The following PHKB variants were observed in gnomAD, a reference collection of about 807,000 sequenced individuals.
PHKB encodes the protein phosphorylase kinase regulatory subunit beta, also known as phosphorylase b kinase regulatory subunit beta.
A neutral mutation model predicts 152.1 loss-of-function variants in PHKB; 122 were observed. The observed-to-expected ratio is 0.80, with a 90% confidence interval of 0.69 to 0.93. The LOEUF (loss-of-function observed/expected upper bound fraction) is 0.93, where lower values mean the gene tolerates loss of function less well. Among genes scored for constraint, PHKB ranks in the 40% least tolerant of loss-of-function variants. The probability of loss-of-function intolerance (pLI) is 0.00; values close to 1 mark genes in which losing one functional copy is unlikely to be tolerated. For synonymous variants in PHKB, 436 were observed against 464.9 expected, an observed-to-expected ratio of 0.94 and a Z score of 0.80; for missense variants, 1,304 against 1,328.4, an observed-to-expected ratio of 0.98 and a Z score of 0.29.
chr16:47,587,400 T>C (rs1971952680), intron 8 of PHKB, among the ~76,000 whole-genome samples: 1 of 152,222 alleles, frequency 6.6e-6, no homozygotes, highest in African/African-American at 2.4e-5. Context: ...ATATATTGGC[T>C]ATCTTGTAAT....
At chr16:47,664,649 C>G (rs1480485265) in intron 24 of PHKB, 1 of 531,656 alleles carries the variant, frequency 1.9e-6, no homozygotes, top group African/African-American at 1.9e-5. Flanking sequence ...AGTAAGACAT[C>G]AAGCCAATAA....
Position 47,511,683 on chromosome 16 carries a change from G to T in PHKB, c.424G>T (p.Asp142Tyr). 2 of 1,611,864 alleles carry T rather than the reference G, an allele frequency of 1.2e-6. No individual in the cohort carries two copies. The highest frequency in any genetic ancestry group is 1.7e-6 in the Non-Finnish European group (2 of 1,177,952). ...QADKVQQFKQ[D>Y]PRPTTCLHSV... ...ATTCTAGGTCCAGCAGTTTAAGCAG[G>T]ATCCACGCCCAACAACATGTCTTCA... Residue 142 changes from aspartate to tyrosine, a missense_variant, in exon 5 of 31, where the codon GAT (aspartate) becomes TAT (tyrosine). Transcript: ENST00000323584.
In PHKB at chr16:47,689,026, C is replaced by A; in HGVS notation, c.2631-15C>A. Reference sequence around the variant, plus strand: ...TCAAGAGTTATTGATTCATGCTTCCCCTGTTTTGTTTCAGGTGGATCATCC... The same window carrying A: ...TCAAGAGTTATTGATTCATGCTTCCACTGTTTTGTTTCAGGTGGATCATCC... On this transcript the variant is annotated splice_polypyrimidine_tract_variant and intron_variant, in intron 26 of 30. Transcript: ENST00000323584. The A allele has an allele frequency of 6.2e-7, 1 of 1,613,724 alleles. No individual in the cohort carries two copies. The highest frequency in any genetic ancestry group is 8.5e-7 in the Non-Finnish European group (1 of 1,179,786).
At chr16:47,654,163 A>G (rs1192324225) in intron 20 of PHKB, among the ~76,000 whole-genome samples, 4 of 152,214 alleles carry the variant, frequency 2.6e-5, no homozygotes, top group African/African-American at 9.6e-5. Flanking sequence ...TGGTTCAGAT[A>G]TTAGAGTTAT....
chr16:47,640,273 G>A (rs888384055), intron 14 of PHKB, among the ~76,000 whole-genome samples: 1 of 152,146 alleles, frequency 6.6e-6, no homozygotes, highest in Non-Finnish European at 1.5e-5. Context: ...AAAGAGTTAT[G>A]TTTGATCAGT....
At chr16:47,616,687 A>T (rs936695760) in intron 14 of PHKB, among the ~76,000 whole-genome samples, 1 of 148,662 alleles carries the variant, frequency 6.7e-6, no homozygotes, top group Non-Finnish European at 1.5e-5. Flanking sequence ...ACATATAAAT[A>T]TTATATATTG....
intron 14 of PHKB, among the ~76,000 whole-genome samples, chr16:47,617,555 G>C (rs192866483): frequency 6.6e-6 from 1 of 151,890 alleles, no homozygotes; most frequent in African/African-American, 2.4e-5. Context: ...GTCTTTCTGC[G>C]TGTGGCTTAT....
At chr16:47,503,583 C>A (rs1416421526) in intron 4 of PHKB, among the ~76,000 whole-genome samples, 1 of 152,058 alleles carries the variant, frequency 6.6e-6, no homozygotes, top group African/African-American at 2.4e-5. Context: ...GTAATCCCAG[C>A]ACTTTGGGAG....
intron 7 of PHKB, among the ~76,000 whole-genome samples, chr16:47,573,135 G>T (rs928209886): frequency 6.6e-6 from 1 of 152,208 alleles, no homozygotes; most frequent in Non-Finnish European, 1.5e-5. Context: ...GCACAGGATA[G>T]ACAAATTCAG....
intron 6 of PHKB, among the ~76,000 whole-genome samples, chr16:47,521,602 C>T (rs1323416631): frequency 6.6e-6 from 1 of 151,732 alleles, no homozygotes; most frequent in Non-Finnish European, 1.5e-5. Context: ...TTGTGGTAAG[C>T]TGAGATTGTG....
At chr16:47,691,566 G>A (rs1286553651) in intron 27 of PHKB, among the ~76,000 whole-genome samples, 1 of 152,068 alleles carries the variant, frequency 6.6e-6, no homozygotes, top group African/African-American at 2.4e-5. Flanking sequence ...TTAGCTGGAT[G>A]TGGCGGCACA....
intron 14 of PHKB, among the ~76,000 whole-genome samples, chr16:47,623,823 A>C (rs1426582681): frequency 6.6e-6 from 1 of 151,884 alleles, no homozygotes; most frequent in Non-Finnish European, 1.5e-5. Flanking sequence ...CTTCCAAAGT[A>C]CTGGGATTAC....
chr16:47,675,398 A>C (rs1477887020), intron 26 of PHKB, among the ~76,000 whole-genome samples: 1 of 152,108 alleles, frequency 6.6e-6, no homozygotes, highest in Non-Finnish European at 1.5e-5. Context: ...TCTCCCCATG[A>C]CATTTGGAGA....
At chr16:47,574,784 C>T (rs1971722357) in intron 7 of PHKB, among the ~76,000 whole-genome samples, 1 of 152,194 alleles carries the variant, frequency 6.6e-6, no homozygotes, top group Non-Finnish European at 1.5e-5. Context: ...TCCCACCTTG[C>T]CACACCTCCA....
chr16:47,650,780 A>G (rs1289364923), intron 19 of PHKB, 51 bp from the exon 20 acceptor site: 2 of 1,323,518 alleles, frequency 1.5e-6, no homozygotes, highest in Non-Finnish European at 2.1e-6. Flanking sequence ...TAGATTATTA[A>G]TTTACCATTC....
chr16:47,481,090 G>C (rs1402519325), intron 1 of PHKB, among the ~76,000 whole-genome samples: 1 of 152,072 alleles, frequency 6.6e-6, no homozygotes, highest in Non-Finnish European at 1.5e-5. Context: ...CCTCTCCCAA[G>C]GGTCGTGAGT....
rs376034808 is a variant in PHKB at position 47,682,176 on chromosome 16, C to G, written c.2631-6865C>G. On this transcript the variant is annotated intron_variant, in intron 26 of 30. Transcript: ENST00000323584. ...CCTTTGTGGGTTACCCGACCTTTCT[C>G]TCTGGCTGCCCTTAACATTTTTTCT... Among the ~76,000 whole-genome samples the G allele has an allele frequency of 3.1e-4, 47 of 152,340 alleles. No individual in the cohort carries two copies. The East Asian group carries it at 4.6e-3, about 15-fold the overall frequency.
chr16:47,476,528 T>A (rs1417503646), intron 1 of PHKB, among the ~76,000 whole-genome samples: 6 of 152,322 alleles, frequency 3.9e-5, no homozygotes, highest in Non-Finnish European at 7.3e-5. Context: ...TTTTAGTTAT[T>A]ATAATTTGAA....
intron 20 of PHKB, among the ~76,000 whole-genome samples, chr16:47,654,098 A>T (rs1295549406): frequency 6.6e-6 from 1 of 152,218 alleles, no homozygotes; most frequent in African/African-American, 2.4e-5. Context: ...TCTGTCTTTC[A>T]TTCAAAATTA....
Sources: allele counts gnomAD v4.1 joint callset (sites outside exome capture counted in the v4.1 genomes callset), GRCh38; gene constraint gnomAD v4.1.1; transcripts MANE v1.5; gene names NCBI Gene and HGNC (gene_info 2026-07-23, HGNC 2026-07-21).